The following APC2 variants were observed in gnomAD, a reference collection of about 807,000 sequenced individuals.
APC2 encodes APC regulator of Wnt signaling pathway 2.
A neutral mutation model predicts 72.5 loss-of-function variants in APC2; 41 were observed. The observed-to-expected ratio is 0.57, with a 90% CI of 0.44 to 0.73. The LOEUF is 0.73. APC2 is among the 30% of genes least tolerant of loss of function. The pLI, the probability that APC2 is intolerant of heterozygous loss-of-function variation, is 0.00. For missense variants in APC2, 3,729 were observed against 3,403.4 expected (o/e 1.10, Z -2.38); for synonymous variants, 1,898 against 1,612.0 (o/e 1.18, Z -4.25).
In APC2 at chr19:1,453,314, C is replaced by CGGAGGTGCT. The variant is rs758573824; in HGVS notation, c.214_222dup (p.Val72_Glu74dup). 15 of 1,597,198 alleles carry CGGAGGTGCT rather than the reference C, an allele frequency of 9.4e-6. No homozygotes were observed. In the South Asian group the frequency reaches 1.3e-4, roughly 14 times the overall value. ...CGAGTGCTGGTGTCCTCGGGGCAGA[C>CGGAGGTGCT]GGAGGTGCTGGAGCAGCTGAAGGGT... On this transcript the variant is annotated inframe_insertion, in exon 3 of 15. Coordinates refer to ENST00000590469, the MANE Select transcript of APC2 (RefSeq NM_005883.3).
Position 1,465,722 on chromosome 19 carries a change from C to A in APC2, c.2421C>A (p.Gly807=). ...ASPAALSLFL[G]SPFLQGQALA... ...CTGCCGCGCTGTCCCTCTTCCTGGG[C>A]AGCCCCTTCCTGCAGGGGCAGGCGC... The change falls in exon 15 of 15, where the codon GGC becomes GGA. Residue 807 remains glycine, a synonymous_variant. Transcript: ENST00000590469. The A allele has an allele frequency of 1.3e-6, 2 of 1,559,538 alleles. No homozygotes were observed. Among genetic ancestry groups the A allele is most frequent in the South Asian group, 2.3e-5 (2 of 85,364 alleles).
chr19:1,456,451 A>G (rs1211597279), intron 8 of APC2, 47 bp downstream of exon 8: 2 of 1,514,498 alleles, frequency 1.3e-6, no homozygotes, highest in South Asian at 1.3e-5. Context: ...TCTGGGCTGG[A>G]AGGGGGATCA....
chr19:1,461,591 G>A (rs921154359), intron 13 of APC2: 14 of 315,588 alleles, frequency 4.4e-5, no homozygotes, highest in Admixed American at 1.4e-4. Context: ...GGTGGCTCTT[G>A]CCTGTAATCC....
chr19:1,456,722 CCCT>C, intron 8 of APC2, 128 bp from the exon 9 acceptor site: 2 of 1,191,796 alleles, frequency 1.7e-6, no homozygotes, highest in East Asian at 2.6e-5. Flanking sequence ...TCCTAGCGTC[CCCT>C]CATCTGTCCC....
chr19:1,450,054 A>G, upstream of APC2: 3 of 872,150 alleles, frequency 3.4e-6, no homozygotes, highest in Non-Finnish European at 4.1e-6. Context: ...CCATGGCACC[A>G]GCCCGTCTTC....
rs184260019 is a variant in APC2 at position 1,460,861 on chromosome 19, C to A, written c.1521+4C>A. ...CGACAGTGAGGAGCTCCACCAGGTA[C>A]AGGGCGGGGTGCTGGGAAAGCCTTC... On this transcript the variant is annotated splice_donor_region_variant and intron_variant, in intron 12 of 14. Transcript: ENST00000590469. 4.3e-5 allele frequency: 70 copies of A among 1,613,106 alleles called. No homozygotes were observed. Among genetic ancestry groups the A allele is most frequent in the Non-Finnish European group, 1.5e-5 (18 of 1,179,950 alleles).
Position 1,466,069 on chromosome 19 carries a change from C to CCAACGACAG in APC2, c.2770_2778dup (p.Asn924_Ser926dup), listed in dbSNP as rs754217233. The CCAACGACAG allele has an allele frequency of 6.6e-7, 1 of 1,521,444 alleles. No homozygotes were observed. The highest frequency in any genetic ancestry group is 2.4e-5 in the East Asian group (1 of 41,118). The allele number at this position is 1,521,444 out of a possible 1,614,324, so 94.2% of individuals were successfully genotyped here. A position where few individuals can be genotyped will look rare whatever the true frequency, so the allele number is the denominator to read the frequency against. ...CTCAAGGCGGCCCACGCCAGCCTCTCCAACGACAGCCTCAACAGCGGCAGT... is the reference window on the plus strand; with the variant it reads ...CTCAAGGCGGCCCACGCCAGCCTCTCCAACGACAGCAACGACAGCCTCAACAGCGGCAGT... On this transcript the variant is annotated inframe_insertion, in exon 15 of 15. Transcript: ENST00000590469.
chr19:1,449,776 G>A (rs565206385), upstream of APC2, among the ~76,000 whole-genome samples: 1 of 152,278 alleles, frequency 6.6e-6, no homozygotes, highest in African/African-American at 2.4e-5. Context: ...CCCGGCCACT[G>A]CCCTGGAAAC....
Position 1,467,281 on chromosome 19 carries a change from C to G in APC2, c.3980C>G (p.Pro1327Arg). Residue 1327 changes from proline to arginine, a missense_variant, in exon 15 of 15, where the codon CCC becomes CGC. Transcript: ENST00000590469. ...CGGCGGCGGGAGGAGGGGCCGGCGC[C>G]CACGGGTTCTCGCCCTCGCGGCGCC... is the stretch of plus-strand genomic sequence containing the variant. ...GHRRREEGPA[P>R]TGSRPRGAAD... 7.6e-7 allele frequency: 1 copy of G among 1,315,274 alleles called. No individual in the cohort carries two copies. Among genetic ancestry groups the G allele is most frequent in the Non-Finnish European group, 9.6e-7 (1 of 1,037,188 alleles). The allele number at this position is 1,315,274 out of a possible 1,614,324, so 81.5% of individuals were successfully genotyped here.
In APC2 at chr19:1,452,956, G is replaced by A. The variant is rs777459405; in HGVS notation, c.-18-28G>A. The A allele has an allele frequency of 1.2e-6, 2 of 1,605,756 alleles. No individual in the cohort carries two copies. The highest frequency in any genetic ancestry group is 1.3e-5 in the African/African-American group (1 of 74,916). ...TCACCGCGCCCTCCCCAGACCATCA[G>A]CTGAACCCTCTGACCCTGTGATCCC... On this transcript the variant is annotated intron_variant, in intron 1 of 14. Coordinates refer to ENST00000590469, the MANE Select transcript of APC2 (RefSeq NM_005883.3). This position sits in a 1 kb window ranked among gnomAD's most constrained non-coding sequence, Gnocchi z 5.1.
Position 1,466,371 on chromosome 19 carries a change from G to T in APC2, c.3070G>T (p.Gly1024Trp). 1 of 1,584,986 alleles carries T rather than the reference G, an allele frequency of 6.3e-7. No individual in the cohort carries two copies. The highest frequency in any genetic ancestry group is 8.5e-7 in the Non-Finnish European group (1 of 1,170,172). Reference protein sequence around the residue: ...EPLAGPGISPGARKQAWLPAD... With the variant: ...EPLAGPGISPWARKQAWLPAD... ...CCTCGCGGGGCCTGGAATCTCTCCA[G>T]GGGCCCGGAAGCAGGCCTGGCTGCC... The change falls in exon 15 of 15, where the codon GGG becomes TGG. Residue 1024 changes from glycine to tryptophan, a missense_variant. Physicochemically the swap from Gly to Trp is radical, Grantham distance 184. Transcript: ENST00000590469.
chr19:1,459,308 G>A (rs543101083), intron 10 of APC2, among the ~76,000 whole-genome samples: 15 of 152,160 alleles, frequency 9.9e-5, no homozygotes, highest in Admixed American at 5.9e-4. Flanking sequence ...GGGTTTAAGC[G>A]ATTCTCCTGC....
chr19:1,468,993 G>A lies in APC2; in HGVS notation c.5692G>A (p.Gly1898Arg), dbSNP rs1399944549. Residue 1898 changes from glycine to arginine, a missense_variant, in exon 15 of 15, where the codon GGG (glycine) becomes AGG (arginine). Coordinates refer to ENST00000590469, the MANE Select transcript of APC2 (RefSeq NM_005883.3). ...GCGCCCCCCGGTCACCCAGGCTGCT[G>A]GGGCCCTGCCCGGCCCCGGAGCCTC... ...RKRPPVTQAA[G>R]ALPGPGASPV... The A allele has an allele frequency of 2.6e-6, 4 of 1,559,592 alleles. No individual in the cohort carries two copies. The highest frequency in any genetic ancestry group is 3.5e-6 in the Non-Finnish European group (4 of 1,157,504).
At chr19:1,460,982 G>C in intron 12 of APC2, 55 bp from the exon 13 acceptor site, 2 of 1,603,920 alleles carry the variant, frequency 1.2e-6, no homozygotes, top group Non-Finnish European at 1.7e-6. Context: ...ATTTGCTGGG[G>C]GGTTTGGGGG....
Position 1,470,174 on chromosome 19 carries a change from G to C in APC2, c.6873G>C (p.Glu2291Asp). 6.2e-7 allele frequency: 1 copy of C among 1,602,544 alleles called. No individual in the cohort carries two copies. Among genetic ancestry groups the C allele is most frequent in the Non-Finnish European group, 8.5e-7 (1 of 1,176,506 alleles). ...CAGCCACCACCGACTCGGCCGCGGAGAAAGCCCCGGCCACTGCCTCCGCCA... is the reference window on the plus strand; with the variant it reads ...CAGCCACCACCGACTCGGCCGCGGACAAAGCCCCGGCCACTGCCTCCGCCA... The part of the protein sequence containing the change: ...VVAATTDSAA[E>D]KAPATASATL... Residue 2291 changes from glutamate to aspartate, a missense_variant, in exon 15 of 15, where the codon GAG (glutamate) becomes GAC (aspartate). Physicochemically the swap from Glu to Asp is conservative, Grantham distance 45. Transcript: ENST00000590469.
rs760599390 is a variant in APC2, at chr19:1,456,347, C to T, written c.759C>T (p.Pro253=). 1 of 1,609,486 alleles carries T rather than the reference C, an allele frequency of 6.2e-7. No individual in the cohort carries two copies. The change falls in exon 8 of 15, where the codon CCC becomes CCT. Residue 253 remains proline, a synonymous_variant. Transcript: ENST00000590469. ...AVKSVPVDED[P]ETEVPTHPED... ...AGTCGGTGCCGGTGGACGAGGACCC[C>T]GAGACAGAGGTCCCCACACACCCTG...
chr19:1,456,256 A>G (rs202011073), intron 7 of APC2, 50 bp from the exon 8 acceptor site: 1 of 1,571,616 alleles, frequency 6.4e-7, no homozygotes, highest in East Asian at 2.4e-5. Flanking sequence ...ACGGGTGAGC[A>G]GACTGGGTGC....
chr19:1,460,327 G>T lies in APC2; in HGVS notation c.1443+7G>T, dbSNP rs751074991. 5.0e-6 allele frequency: 8 copies of T among 1,613,164 alleles called. No homozygotes were observed. In the African/African-American group the frequency reaches 1.1e-4, roughly 21 times the overall value. On this transcript the variant is annotated splice_region_variant and intron_variant, in intron 11 of 14. Transcript: ENST00000590469. ...TGGGGACGTTGCCAACAAGGTGCCC[G>T]GGGGCAGTGGGTGGGCTGGCACTTT...
At chr19:1,461,618 C>A in intron 13 of APC2, 1 of 314,036 alleles carries the variant, frequency 3.2e-6, no homozygotes, top group Non-Finnish European at 5.9e-6. Context: ...TTTGGGAGGC[C>A]GAGGCGGGCG....
Sources: allele counts gnomAD v4.1 joint callset (sites outside exome capture counted in the v4.1 genomes callset), GRCh38; gene constraint gnomAD v4.1.1; non-coding constraint Gnocchi (gnomAD v3.1); transcripts MANE v1.5; gene names NCBI Gene and HGNC (gene_info 2026-07-23, HGNC 2026-07-21).